The following GRIK1 variants were observed in gnomAD, a reference collection of about 807,000 sequenced individuals.
GRIK1 encodes glutamate ionotropic receptor kainate type subunit 1.
Under a neutral mutation model 105.7 loss-of-function variants are expected in GRIK1, and 69 were observed. The ratio of observed to expected loss-of-function variants is 0.65; its 90% confidence interval spans 0.54 to 0.80. GRIK1 has a LOEUF of 0.80. Among genes scored for constraint, GRIK1 ranks in the 30% least tolerant of loss-of-function variants. The pLI is 0.00. For missense variants in GRIK1, 1,109 were observed against 1,167.3 expected (o/e 0.95, Z 0.73); for synonymous variants, 438 against 431.3 (o/e 1.02, Z -0.19).
intron 3 of GRIK1, among the ~76,000 whole-genome samples, chr21:29,680,579 C>T (rs1277218058): frequency 2.0e-5 from 3 of 152,296 alleles, no homozygotes; most frequent in Middle Eastern, 3.4e-3. Flanking sequence ...TAGCGAACCA[C>T]GGTCAGTCGT....
At chr21:29,707,552 A>G (rs1010133287) in intron 1 of GRIK1, among the ~76,000 whole-genome samples, 15 of 149,656 alleles carry the variant, frequency 1.0e-4, no homozygotes, top group Non-Finnish European at 5.9e-5. Context: ...CTGGAGTGCA[A>G]TGGCACTACC....
intron 3 of GRIK1, among the ~76,000 whole-genome samples, chr21:29,685,685 C>G (rs1320208125): frequency 6.6e-6 from 1 of 152,148 alleles, no homozygotes; most frequent in Non-Finnish European, 1.5e-5. Context: ...GCCATTAACA[C>G]TGTTGGGGCT....
Position 29,581,528 on chromosome 21 carries a change from C to T in GRIK1, c.1809G>A (p.Glu603=). The stretch of plus-strand genomic sequence containing the variant: ...GGTTGCATGGGTGGGGGTTATACCA[C>T]TCGTAGGGTGTAAACCTGTGGTAGT... ...LFVIARFTPY[E]WYNPHPCNPD... The change falls in exon 13 of 18, where the codon GAG becomes GAA. Residue 603 remains glutamate, a synonymous_variant. Coordinates refer to ENST00000327783, the MANE Select transcript of GRIK1 (RefSeq NM_001330994.2). 1 of 1,595,470 alleles carries T rather than the reference C, an allele frequency of 6.3e-7. No homozygotes were observed. Among genetic ancestry groups the T allele is most frequent in the Non-Finnish European group, 8.6e-7 (1 of 1,163,134 alleles).
At chr21:29,737,185 G>A (rs2064815233) in intron 1 of GRIK1, among the ~76,000 whole-genome samples, 1 of 152,140 alleles carries the variant, frequency 6.6e-6, no homozygotes, top group African/African-American at 2.4e-5. Context: ...GTAAGACCTT[G>A]CCCAGGTGGC....
intron 1 of GRIK1, among the ~76,000 whole-genome samples, chr21:29,821,987 T>C (rs2067319136): frequency 6.6e-6 from 1 of 152,068 alleles, no homozygotes; most frequent in South Asian, 2.1e-4. Flanking sequence ...TGCATATAAG[T>C]GGACCAACCT....
In GRIK1 at chr21:29,642,860, C is replaced by A. The variant is rs756832977; in HGVS notation, c.1064G>T (p.Arg355Leu). ...CAGGTTCATAAATCTGGGTCCGAGG[C>A]GCCATGGCTTATGTCTATGGCACTG... Reference protein sequence around the residue: ...SLQCHRHKPWRLGPRFMNLIK... With the variant: ...SLQCHRHKPWLLGPRFMNLIK... Residue 355 changes from arginine to leucine, a missense_variant, in exon 7 of 18, where the codon CGC becomes CTC. Transcript: ENST00000327783. 1.2e-6 allele frequency: 2 copies of A among 1,613,892 alleles called. No homozygotes were observed. Among genetic ancestry groups the A allele is most frequent in the South Asian group, 1.1e-5 (1 of 91,082 alleles).
At chr21:29,701,609 G>T (rs1451928986) in intron 1 of GRIK1, among the ~76,000 whole-genome samples, 1 of 152,190 alleles carries the variant, frequency 6.6e-6, no homozygotes, top group Non-Finnish European at 1.5e-5. Flanking sequence ...TTGAGCAGAG[G>T]AGTGAAATGA....
intron 6 of GRIK1, among the ~76,000 whole-genome samples, chr21:29,644,746 C>A (rs1009501031): frequency 6.6e-6 from 1 of 152,198 alleles, no homozygotes; most frequent in Non-Finnish European, 1.5e-5. Flanking sequence ...TACCACTTTG[C>A]TGTACTAATT....
chr21:29,560,310 T>TC (rs1491261582), intron 15 of GRIK1, among the ~76,000 whole-genome samples: 31 of 116,616 alleles, frequency 2.7e-4, no homozygotes, highest in African/African-American at 1.1e-3. Context: ...TTTCTTTCTT[T>TC]CTTTCTTTCT....
At chr21:29,720,414 T>C (rs2064289688) in intron 1 of GRIK1, among the ~76,000 whole-genome samples, 2 of 152,210 alleles carry the variant, frequency 1.3e-5, no homozygotes, top group South Asian at 4.1e-4. Flanking sequence ...CCTTGGGGTA[T>C]AGCCCCTCTC....
chr21:29,698,533 A>T (rs1601481510), intron 1 of GRIK1, among the ~76,000 whole-genome samples: 1 of 152,224 alleles, frequency 6.6e-6, no homozygotes, highest in Non-Finnish European at 1.5e-5. Context: ...CAAAATCGGC[A>T]GGCCTGGGTT....
chr21:29,746,764 A>C (rs2065059000), intron 1 of GRIK1, among the ~76,000 whole-genome samples: 2 of 152,250 alleles, frequency 1.3e-5, no homozygotes, highest in South Asian at 4.1e-4. Flanking sequence ...AAACCAGAGA[A>C]TTGCCAATTG....
chr21:29,544,334 G>A (rs1015672418), intron 16 of GRIK1, among the ~76,000 whole-genome samples: 2 of 152,112 alleles, frequency 1.3e-5, no homozygotes, highest in African/African-American at 2.4e-5. Flanking sequence ...TTGCACATGG[G>A]GTGGCCACGC....
chr21:29,690,269 T>G (rs1024976117), intron 2 of GRIK1, among the ~76,000 whole-genome samples: 1 of 152,224 alleles, frequency 6.6e-6, no homozygotes, highest in Admixed American at 6.5e-5. Flanking sequence ...TTTAATCAGA[T>G]GGAGTCTAAA....
At chr21:29,821,427 C>T (rs540431464) in intron 1 of GRIK1, among the ~76,000 whole-genome samples, 1 of 152,124 alleles carries the variant, frequency 6.6e-6, no homozygotes, top group Non-Finnish European at 1.5e-5. Flanking sequence ...CCAGCATCAC[C>T]AGTGGCACTC....
At chr21:29,907,600 C>T (rs181798612) in intron 1 of GRIK1, among the ~76,000 whole-genome samples, 3 of 152,052 alleles carry the variant, frequency 2.0e-5, no homozygotes, top group African/African-American at 4.8e-5. Flanking sequence ...GAAGTTATCA[C>T]GAATTTCTAG....
intron 6 of GRIK1, among the ~76,000 whole-genome samples, chr21:29,645,747 G>C (rs1362940735): frequency 1.3e-5 from 2 of 152,144 alleles, no homozygotes; most frequent in Non-Finnish European, 2.9e-5. Flanking sequence ...AATAGGTAAT[G>C]TAATAGAAAC....
intron 1 of GRIK1, among the ~76,000 whole-genome samples, chr21:29,722,370 C>A (rs921726114): frequency 4.6e-5 from 7 of 151,976 alleles, no homozygotes; most frequent in Non-Finnish European, 8.8e-5. Flanking sequence ...TCCTGGCTAA[C>A]ACGATGAAAC....
At chr21:29,766,511 C>A (rs2065672486) in intron 1 of GRIK1, among the ~76,000 whole-genome samples, 1 of 152,098 alleles carries the variant, frequency 6.6e-6, no homozygotes, top group South Asian at 2.1e-4. Flanking sequence ...ATACATAAGA[C>A]CTGGTTGAGA....
Sources: gnomAD v4.1 joint callset for allele counts (sites outside exome capture counted in the v4.1 genomes callset) on GRCh38, gnomAD v4.1.1 for gene constraint, MANE v1.5 for transcripts, NCBI Gene and HGNC (gene_info 2026-07-23, HGNC 2026-07-21) for gene names.